ALKBH1: variants seen among roughly 807,000 people sequenced by gnomAD.
ALKBH1 encodes alkB homolog 1, histone H2A dioxygenase.
Under a neutral mutation model 36.6 loss-of-function variants are expected in ALKBH1, and 31 were observed. The ratio of observed to expected loss-of-function variants is 0.85; its 90% CI spans 0.64 to 1.14. ALKBH1 has a LOEUF of 1.14. Ranked by LOEUF, ALKBH1 falls within the 50% of genes most tolerant of loss-of-function variation. The probability of loss-of-function intolerance (pLI) is 0.00; values close to 1 mark genes in which losing one functional copy is unlikely to be tolerated. For synonymous variants in ALKBH1, 183 were observed against 186.6 expected (o/e 0.98, Z 0.16); for missense variants, 490 against 497.3 (o/e 0.99, Z 0.14).
Position 77,704,447 on chromosome 14 carries a change from C to G in ALKBH1, c.214G>C (p.Val72Leu). Residue 72 changes from valine (V) to leucine (L), a missense_variant, in exon 2 of 6, where the codon GTC becomes CTC. Physicochemically the swap from Val to Leu is conservative, Grantham distance 32 (BLOSUM62 1). Coordinates refer to ENST00000216489, the MANE Select transcript of ALKBH1 (RefSeq NM_006020.3). The stretch of plus-strand genomic sequence containing the variant: ...GCTCTATATGCATTCTGCTCACTGA[C>G]AGAAGACACATTTAGCTGAGATTTG... Reference protein sequence around the residue: ...VIKSQLNVSSVSEQNAYRAGL... With the variant: ...VIKSQLNVSSLSEQNAYRAGL... 2 of 1,614,144 alleles carry G rather than the reference C, an allele frequency of 1.2e-6. No homozygotes were observed. Among genetic ancestry groups the G allele is most frequent in the Non-Finnish European group, 1.7e-6 (2 of 1,180,002 alleles).
At chr14:77,689,702 A>C (rs935177966) in intron 3 of ALKBH1, among the ~76,000 whole-genome samples, 2 of 152,180 alleles carry the variant, frequency 1.3e-5, no homozygotes, top group South Asian at 4.1e-4. Flanking sequence ...GTCAAGTAGA[A>C]AGAGGAGAGG....
chr14:77,705,382 G>A (rs1462681511), intron 1 of ALKBH1, among the ~76,000 whole-genome samples: 2 of 133,550 alleles, frequency 1.5e-5, no homozygotes, highest in African/African-American at 2.8e-5. Flanking sequence ...CTGTACTCCA[G>A]CCTAGGAACA....
chr14:77,677,853 G>T (rs991978922), intron 4 of ALKBH1, among the ~76,000 whole-genome samples: 8 of 152,136 alleles, frequency 5.3e-5, no homozygotes, highest in Admixed American at 2.0e-4. Context: ...AGTCAAGGCT[G>T]TCATTCTAGC....
intron 4 of ALKBH1, among the ~76,000 whole-genome samples, chr14:77,679,549 G>A (rs1026713255): frequency 4.6e-5 from 7 of 152,060 alleles, no homozygotes; most frequent in Admixed American, 1.3e-4. Context: ...TCTCACCTCA[G>A]CCTCTTGAGT....
chr14:77,675,631 T>C (rs2080200957), intron 5 of ALKBH1, 25 bp downstream of exon 5: 2 of 1,569,882 alleles, frequency 1.3e-6, no homozygotes, highest in East Asian at 4.5e-5. Flanking sequence ...TAAAAAGTAA[T>C]CCCAAATCCC....
At chr14:77,691,105 C>T (rs1008524194) in intron 3 of ALKBH1, among the ~76,000 whole-genome samples, 1 of 152,066 alleles carries the variant, frequency 6.6e-6, no homozygotes, top group Non-Finnish European at 1.5e-5. Flanking sequence ...CCGGCCTGCA[C>T]ATAACTCTTG....
chr14:77,694,852 C>T lies in ALKBH1; in HGVS notation c.341G>A (p.Trp114Ter). The change falls in exon 3 of 6, where the codon TGG (tryptophan) becomes TAG (stop). Residue 114 changes from tryptophan (W) to a stop codon, truncating the protein, a stop_gained. Transcript: ENST00000216489. LOFTEE classifies it high-confidence loss of function. ...NPFLPGYQWH[W>*]VKQCLKLYSQ... ...ATATAACTTAAGGCACTGTTTCACC[C>T]AGTGCCACTGGTAACCTGGGAGGAA... is the stretch of plus-strand genomic sequence containing the variant. 1.3e-6 allele frequency: 2 copies of T among 1,592,324 alleles called. No individual in the cohort carries two copies. Among genetic ancestry groups the T allele is most frequent in the Non-Finnish European group, 1.7e-6 (2 of 1,170,524 alleles).
chr14:77,693,772 G>C (rs72685273), intron 3 of ALKBH1, among the ~76,000 whole-genome samples: 25,371 of 152,142 alleles, frequency 0.17, 2,436 homozygotes, highest in Non-Finnish European at 0.22. Context: ...GGGATCACTT[G>C]AGGTCAGGAA....
At position 77,702,074 on chromosome 14, in the gene ALKBH1, G is replaced by A. The variant is rs530324396; in HGVS notation, c.292+2295C>T. Among the ~76,000 whole-genome samples, 7 of 152,276 alleles carry A rather than the reference G, an allele frequency of 4.6e-5. No homozygotes were observed. In the South Asian group the frequency reaches 1.5e-3, roughly 32 times the overall value. ...AGCACTCTGGGAGGTCAAGGCAGGT[G>A]GATCACCTGAGGTCAGGAGTTCAAG... is the stretch of plus-strand genomic sequence containing the variant. On this transcript the variant is annotated intron_variant, in intron 2 of 5. Coordinates refer to ENST00000216489, the MANE Select transcript of ALKBH1 (RefSeq NM_006020.3).
intron 1 of ALKBH1, among the ~76,000 whole-genome samples, chr14:77,705,958 A>C (rs965290974): frequency 6.6e-6 from 1 of 152,046 alleles, no homozygotes; most frequent in African/African-American, 2.4e-5. Context: ...GGGAGGCTGA[A>C]GCAGAAGAAT....
chr14:77,693,597 T>G (rs772077197), intron 3 of ALKBH1, among the ~76,000 whole-genome samples: 15 of 152,232 alleles, frequency 9.9e-5, no homozygotes, highest in Non-Finnish European at 2.1e-4. Context: ...CTTTCTCTAC[T>G]CAGTAGAGAC....
chr14:77,701,822 C>T (rs2080360998), intron 2 of ALKBH1, among the ~76,000 whole-genome samples: 1 of 152,106 alleles, frequency 6.6e-6, no homozygotes, highest in Admixed American at 6.6e-5. Context: ...AATAAACTCT[C>T]CAAGGATATA....
chr14:77,683,560 A>G, intron 3 of ALKBH1: 1 of 537,876 alleles, frequency 1.9e-6, no homozygotes, highest in Non-Finnish European at 3.4e-6. Context: ...CATTCCCTTA[A>G]TGTCGACAAC....
rs2080390391 is a variant in ALKBH1 at position 77,706,297 on chromosome 14, TA to T, written c.183+1524del. Among the ~76,000 whole-genome samples the T allele has an allele frequency of 3.9e-5, 6 of 152,294 alleles. No homozygotes were observed. In the East Asian group the frequency reaches 1.2e-3, roughly 29 times the overall value. Reference sequence around the variant, plus strand: ...AGTTTTCCAGGTACCTAGGCACTGGTAAAACACTTTTAAGCATTTTGTCATG... The same window carrying T: ...AGTTTTCCAGGTACCTAGGCACTGGTAAACACTTTTAAGCATTTTGTCATG... On this transcript the variant is annotated intron_variant, in intron 1 of 5. Transcript: ENST00000216489.
chr14:77,703,446 C>G (rs1294533723), intron 2 of ALKBH1, among the ~76,000 whole-genome samples: 2 of 152,026 alleles, frequency 1.3e-5, no homozygotes, highest in African/African-American at 4.8e-5. Context: ...GGCCCGCCAC[C>G]ATGCCCGGCT....
intron 5 of ALKBH1, 64 bp from the exon 6 acceptor site, chr14:77,674,305 C>A (rs2080193265): frequency 7.0e-7 from 1 of 1,432,742 alleles, no homozygotes; most frequent in Admixed American, 2.8e-5. Flanking sequence ...TTAACTATGA[C>A]TGGGAAAGTT....
chr14:77,690,371 T>G (rs1011408849), intron 3 of ALKBH1, among the ~76,000 whole-genome samples: 1 of 152,262 alleles, frequency 6.6e-6, no homozygotes, highest in Non-Finnish European at 1.5e-5. Flanking sequence ...GATGATGTTA[T>G]GCAACAAAGA....
intron 3 of ALKBH1, among the ~76,000 whole-genome samples, chr14:77,689,187 A>G (rs537542269): frequency 6.6e-6 from 1 of 152,216 alleles, no homozygotes; most frequent in South Asian, 2.1e-4. Context: ...AGATTTTTCC[A>G]ATTTGTTTTT....
At chr14:77,706,518 T>C (rs572781336) in intron 1 of ALKBH1, among the ~76,000 whole-genome samples, 129 of 152,304 alleles carry the variant, frequency 8.5e-4, no homozygotes, top group African/African-American at 3.0e-3. Context: ...CTTGTAATAG[T>C]AACTTCTCTT....
Sources: allele counts gnomAD v4.1 joint callset (sites outside exome capture counted in the v4.1 genomes callset), GRCh38; gene constraint gnomAD v4.1.1; transcripts MANE v1.5; gene names NCBI Gene and HGNC (gene_info 2026-07-23, HGNC 2026-07-21).